Variants in PCDHGB6 observed in about 807,000 individuals in gnomAD.
The protein encoded by PCDHGB6 is protocadherin gamma-B6.
PCDHGB6 carries 51 observed loss-of-function variants against 59.1 expected under a neutral mutation model. The ratio of observed to expected loss-of-function variants is 0.86; its 90% CI spans 0.69 to 1.09. The LOEUF (loss-of-function observed/expected upper bound fraction) is 1.09. Ranked by LOEUF, PCDHGB6 falls within the 50% of genes least tolerant of loss-of-function variation. PCDHGB6 has a pLI of 0.00. For missense variants in PCDHGB6, 1,148 were observed against 1,205.1 expected (o/e 0.95, Z 0.70); for synonymous variants, 466 against 495.1 (o/e 0.94, Z 0.78).
chr5:141,422,040 C>A, intron 1 of PCDHGB6: 1 of 1,611,442 alleles, frequency 6.2e-7, no homozygotes, highest in Non-Finnish European at 8.5e-7. Context: ...CGGATCCAGA[C>A]GAGGGAATCA....
intron 1 of PCDHGB6, among the ~76,000 whole-genome samples, chr5:141,482,326 G>T (rs982211258): frequency 6.6e-6 from 1 of 152,072 alleles, no homozygotes. Context: ...AAAATAAAGA[G>T]AATATCTACT....
At chr5:141,446,231 C>T (rs1412899811) in intron 1 of PCDHGB6, among the ~76,000 whole-genome samples, 2 of 152,176 alleles carry the variant, frequency 1.3e-5, no homozygotes, top group African/African-American at 2.4e-5. Flanking sequence ...TGTTGCCTGG[C>T]AAGTGGTAGA....
rs748972821 is a variant in PCDHGB6 at position 141,476,094 on chromosome 5, GAGAGGAACT to G, written c.2419-18712_2419-18704del. ...TCTCAGGGACGATCTGGACCCCGCT[GAGAGGAACT>G]GCTTTTGAGTGAGATGGTCCCAGAG... is the stretch of plus-strand genomic sequence containing the variant. On this transcript the variant is annotated intron_variant, in intron 1 of 3. Coordinates refer to ENST00000520790, the MANE Select transcript of PCDHGB6 (RefSeq NM_018926.3). This position sits in a 1 kb window ranked among gnomAD's most constrained non-coding sequence, Gnocchi z 7.6. 6.4e-7 allele frequency: 1 copy of G among 1,568,172 alleles called. No individual in the cohort carries two copies. The highest frequency in any genetic ancestry group is 1.2e-5 in the South Asian group (1 of 85,292).
intron 1 of PCDHGB6, among the ~76,000 whole-genome samples, chr5:141,461,980 C>G (rs759291534): frequency 9.2e-5 from 14 of 152,176 alleles, no homozygotes; most frequent in Non-Finnish European, 1.5e-4. Flanking sequence ...TATGCCACCA[C>G]GCCAGGCTAA....
At position 141,409,844 on chromosome 5, in the gene PCDHGB6, C is replaced by G. The variant is rs1380163040; in HGVS notation, c.1642C>G (p.Leu548Val). 1.9e-6 allele frequency: 3 copies of G among 1,611,858 alleles called. No homozygotes were observed. The highest frequency in any genetic ancestry group is 4.5e-5 in the East Asian group (2 of 44,836). ...GSPTLSANVS[L>V]RVLVGDRNDN... ...GCCCACGCTCAGCGCCAACGTGAGC[C>G]TGCGCGTGTTGGTGGGAGACCGCAA... is the stretch of plus-strand genomic sequence containing the variant. The change falls in exon 1 of 4, where the codon CTG becomes GTG. Residue 548 changes from leucine (L) to valine (V), a missense_variant. By Grantham distance (32) the Leu-to-Val change is conservative (BLOSUM62 1). Around this residue, in one of 5 missense-constraint regions of PCDHGB6, gnomAD observed 549 missense variants for 527.5 expected, o/e 1.04. Transcript: ENST00000520790.
chr5:141,467,063 T>C (rs1405374001), intron 1 of PCDHGB6, among the ~76,000 whole-genome samples: 2 of 151,716 alleles, frequency 1.3e-5, no homozygotes, highest in African/African-American at 2.4e-5. Flanking sequence ...TTCTTTTTTT[T>C]TTTTTTTTAG....
chr5:141,418,497 CCG>C, intron 1 of PCDHGB6: 1 of 1,613,994 alleles, frequency 6.2e-7, no homozygotes, highest in Non-Finnish European at 8.5e-7. Flanking sequence ...TTGGTACTGA[CCG>C]CCTTAGATGG....
At chr5:141,455,911 ATTTT>A (rs1404284843) in intron 1 of PCDHGB6, among the ~76,000 whole-genome samples, 2 of 114,614 alleles carry the variant, frequency 1.7e-5, no homozygotes, top group African/African-American at 3.3e-5. Context: ...TTATTTATTT[ATTTT>A]GAGACGGAGT....
In PCDHGB6 at chr5:141,487,519, T is replaced by C. The variant is rs1288070159; in HGVS notation, c.2419-7288T>C. The C allele has an allele frequency of 6.2e-7, 1 of 1,614,046 alleles. No individual in the cohort carries two copies. ...CCTTGGCTTCTGCACCCACTCGGAG[T>C]GATAGCTTCATGATGGTGAAGTCAC... On this transcript the variant is annotated intron_variant, in intron 1 of 3. Transcript: ENST00000520790. The surrounding 1 kb of genome is among the most constrained non-coding windows in gnomAD (Gnocchi z 5.0).
At chr5:141,420,250 A>G (rs757203976) in intron 1 of PCDHGB6, 2 of 1,578,784 alleles carry the variant, frequency 1.3e-6, no homozygotes, top group South Asian at 1.2e-5. Context: ...CCAGCGTTGA[A>G]GCAGATAAGA....
chr5:141,476,716 C>T lies in PCDHGB6; in HGVS notation c.2419-18091C>T. On this transcript the variant is annotated intron_variant, in intron 1 of 3. Transcript: ENST00000520790. This position sits in a 1 kb window ranked among gnomAD's most constrained non-coding sequence, Gnocchi z 7.6. ...AGTACGCGGAGCTGGTGTTGGAGCG[C>T]GCCCTGGACCGAGAACGGGAGCCTA... 15 of 1,614,148 alleles carry T rather than the reference C, an allele frequency of 9.3e-6. No homozygotes were observed. The highest frequency in any genetic ancestry group is 1.3e-5 in the Non-Finnish European group (15 of 1,180,036).
intron 1 of PCDHGB6, among the ~76,000 whole-genome samples, chr5:141,456,690 C>T (rs893478646): frequency 7.2e-5 from 11 of 152,218 alleles, no homozygotes; most frequent in Admixed American, 5.2e-4. Flanking sequence ...ACTGGCCAGG[C>T]GTGGTGGCTC....
intron 1 of PCDHGB6, among the ~76,000 whole-genome samples, chr5:141,469,599 A>G (rs2099206392): frequency 6.6e-6 from 1 of 152,192 alleles, no homozygotes; most frequent in Non-Finnish European, 1.5e-5. Flanking sequence ...ATAAAACAAA[A>G]TAAGTAAAAT....
At chr5:141,414,699 C>T (rs2095778847) in intron 1 of PCDHGB6, 2 of 1,613,952 alleles carry the variant, frequency 1.2e-6, no homozygotes, top group Non-Finnish European at 1.7e-6. Context: ...TGTCCTCATA[C>T]ATATCCATCA....
At chr5:141,429,169 T>TACACACACACACACACACAAAC (rs2097191391) in intron 1 of PCDHGB6, 1 of 145,394 alleles carries the variant, frequency 6.9e-6, no homozygotes, top group East Asian at 2.0e-4. Flanking sequence ...ACATTGTTTA[T>TACACACACACACACACACAAAC]ACACACACAC....
intron 1 of PCDHGB6, chr5:141,417,710 T>C: frequency 8.0e-7 from 1 of 1,249,348 alleles, no homozygotes; most frequent in Non-Finnish European, 1.1e-6. Context: ...ACACAGAGGC[T>C]CCCGGCTGCG....
intron 1 of PCDHGB6, chr5:141,423,265 G>T: frequency 6.2e-7 from 1 of 1,613,666 alleles, no homozygotes; most frequent in Non-Finnish European, 8.5e-7. Flanking sequence ...CGGCAGCCTC[G>T]AGTCTCTGGC....
At position 141,512,750 on chromosome 5, in the gene PCDHGB6, G is replaced by C. The variant is rs538475261; in HGVS notation, c.*1577G>C. The C allele has an allele frequency of 2.6e-5, 4 of 152,894 alleles. No homozygotes were observed. The highest frequency in any genetic ancestry group is 4.4e-5 in the Non-Finnish European group (3 of 68,656). 9.5% of individuals were successfully genotyped at this position (152,894 alleles called of 1,614,324 possible). ...AGCGGGCGGCGGGCTCCGCGCAGCC[G>C]TCTGTCCTTGATCTGCCCGCGGCGG... On this transcript the variant is annotated 3_prime_UTR_variant, in exon 4 of 4. Coordinates refer to ENST00000520790, the MANE Select transcript of PCDHGB6 (RefSeq NM_018926.3).
intron 1 of PCDHGB6, chr5:141,418,613 C>T (rs759701663): frequency 9.9e-6 from 16 of 1,613,892 alleles, no homozygotes; most frequent in Non-Finnish European, 1.4e-5. Context: ...GGTTAGCCTT[C>T]GGGAAGACGT....
Sources: allele counts gnomAD v4.1 joint callset (sites outside exome capture counted in the v4.1 genomes callset), GRCh38; gene constraint gnomAD v4.1.1; regional missense constraint gnomAD v4.1.1; non-coding constraint Gnocchi (gnomAD v3.1); transcripts MANE v1.5; gene names NCBI Gene and HGNC (gene_info 2026-07-23, HGNC 2026-07-21).